Variants in TNFRSF10D observed in about 807,000 individuals in gnomAD.
TNFRSF10D encodes TNF receptor superfamily member 10d.
A neutral mutation model predicts 42.1 loss-of-function variants in TNFRSF10D; 28 were observed. The ratio of observed to expected loss-of-function variants is 0.66; its 90% CI spans 0.49 to 0.91. The LOEUF is 0.91. Among genes scored for constraint, TNFRSF10D ranks in the 40% least tolerant of loss-of-function variants. TNFRSF10D has a pLI of 0.00. For missense variants in TNFRSF10D, 503 were observed against 486.1 expected (o/e 1.03, Z -0.33); for synonymous variants, 186 against 189.4 (o/e 0.98, Z 0.15).
intron 7 of TNFRSF10D, among the ~76,000 whole-genome samples, chr8:23,143,554 C>G (rs1484176068): frequency 6.6e-6 from 1 of 151,142 alleles, no homozygotes; most frequent in African/African-American, 2.5e-5. Context: ...TTATACTTCC[C>G]TTCATTAAAA....
chr8:23,158,287 T>C (rs957118949), intron 1 of TNFRSF10D, among the ~76,000 whole-genome samples: 1 of 152,210 alleles, frequency 6.6e-6, no homozygotes, highest in Non-Finnish European at 1.5e-5. Context: ...TGTGGACCCA[T>C]ACGGATTCGC....
chr8:23,160,364 T>G (rs1268403406), intron 1 of TNFRSF10D, among the ~76,000 whole-genome samples: 1 of 152,184 alleles, frequency 6.6e-6, no homozygotes, highest in Non-Finnish European at 1.5e-5. Context: ...CGAAGAGCCC[T>G]GTGGACTCTG....
At chr8:23,156,742 T>C (rs1008113154) in intron 1 of TNFRSF10D, among the ~76,000 whole-genome samples, 1 of 152,058 alleles carries the variant, frequency 6.6e-6, no homozygotes, top group Non-Finnish European at 1.5e-5. Context: ...CTAATATTGG[T>C]GTATTTTATA....
At chr8:23,146,877 G>C (rs1334845786) in intron 4 of TNFRSF10D, 84 bp downstream of exon 4, 1 of 1,193,300 alleles carries the variant, frequency 8.4e-7, no homozygotes, top group Non-Finnish European at 1.2e-6. Flanking sequence ...GATCCATGGG[G>C]TCAGCGGAGA....
chr8:23,156,175 G>A (rs1488250967), intron 1 of TNFRSF10D, among the ~76,000 whole-genome samples: 1 of 152,102 alleles, frequency 6.6e-6, no homozygotes, highest in Non-Finnish European at 1.5e-5. Flanking sequence ...CTTTCATCAT[G>A]CCAACAGCTA....
intron 1 of TNFRSF10D, among the ~76,000 whole-genome samples, chr8:23,161,228 T>A (rs1483090233): frequency 6.6e-6 from 1 of 152,198 alleles, no homozygotes. Context: ...CACACCAGTG[T>A]CACAGAGCTG....
In TNFRSF10D at chr8:23,136,340, G is replaced by A; in HGVS notation, c.*1530C>T. 4.9e-6 allele frequency: 1 copy of A among 202,450 alleles called. No homozygotes were observed. The highest frequency in any genetic ancestry group is 1.0e-5 in the Non-Finnish European group (1 of 99,278). 12.5% of individuals were successfully genotyped at this position (202,450 alleles called of 1,614,324 possible). A position where few individuals can be genotyped will look rare whatever the true frequency, so the allele number is the denominator to read the frequency against. ...CTGAGATGAGTCAGATGCTTACAGA[G>A]GGGCCAAGCTCCTCAAACAGGGAAT... On this transcript the variant is annotated 3_prime_UTR_variant, in exon 9 of 9. Transcript: ENST00000312584.
In TNFRSF10D at chr8:23,163,994, T is replaced by A; in HGVS notation, c.-59A>T. The A allele has an allele frequency of 1.3e-6, 2 of 1,494,444 alleles. No individual in the cohort carries two copies. Among genetic ancestry groups the A allele is most frequent in the Non-Finnish European group, 1.8e-6 (2 of 1,125,742 alleles). The allele number at this position is 1,494,444 out of a possible 1,614,324, so 92.6% of individuals were successfully genotyped here. Reference sequence around the variant, plus strand: ...AATCAATCAGAAATCGTCCCCGTAGTTTGTGCGCGTGCAAAGGTTCTCGCA... The same window carrying A: ...AATCAATCAGAAATCGTCCCCGTAGATTGTGCGCGTGCAAAGGTTCTCGCA... On this transcript the variant is annotated 5_prime_UTR_variant, in exon 1 of 9. Coordinates refer to ENST00000312584, the MANE Select transcript of TNFRSF10D (RefSeq NM_003840.5).
intron 1 of TNFRSF10D, among the ~76,000 whole-genome samples, chr8:23,162,387 A>G (rs951447268): frequency 1.3e-5 from 2 of 152,232 alleles, no homozygotes; most frequent in Non-Finnish European, 2.9e-5. Context: ...AAACTATTGT[A>G]GAAGTCAGTT....
At position 23,138,008 on chromosome 8, in the gene TNFRSF10D, G is replaced by C; in HGVS notation, c.1028-5C>G. 1.2e-6 allele frequency: 2 copies of C among 1,613,896 alleles called. No individual in the cohort carries two copies. Among genetic ancestry groups the C allele is most frequent in the Non-Finnish European group, 1.7e-6 (2 of 1,179,906 alleles). On this transcript the variant is annotated splice_polypyrimidine_tract_variant and splice_region_variant and intron_variant, in intron 8 of 8. Coordinates refer to ENST00000312584, the MANE Select transcript of TNFRSF10D (RefSeq NM_003840.5). ...AGGCATCCAGCAAGGTGCTGACTGAGAAGAGAGAAGAGATTTAGGGTCTCA... is the reference window on the plus strand; with the variant it reads ...AGGCATCCAGCAAGGTGCTGACTGACAAGAGAGAAGAGATTTAGGGTCTCA...
At chr8:23,157,384 G>C (rs2128839452) in intron 1 of TNFRSF10D, among the ~76,000 whole-genome samples, 2 of 152,206 alleles carry the variant, frequency 1.3e-5, no homozygotes, top group Admixed American at 1.3e-4. Flanking sequence ...CCAAATTTTA[G>C]AATTCCCTAT....
chr8:23,143,518 T>C (rs1800063745), intron 7 of TNFRSF10D, among the ~76,000 whole-genome samples: 1 of 152,118 alleles, frequency 6.6e-6, no homozygotes, highest in Non-Finnish European at 1.5e-5. Flanking sequence ...TAATTGTTGA[T>C]ATTTTTTGTT....
chr8:23,145,412 A>G (rs113828832), intron 5 of TNFRSF10D, among the ~76,000 whole-genome samples: 1,815 of 152,292 alleles, frequency 0.012, 26 homozygotes, highest in African/African-American at 0.039. Flanking sequence ...GCCTGAAGAT[A>G]GGAGGAACTG....
At chr8:23,150,554 G>T (rs537662023) in intron 2 of TNFRSF10D, among the ~76,000 whole-genome samples, 2 of 152,196 alleles carry the variant, frequency 1.3e-5, no homozygotes, top group African/African-American at 4.8e-5. Flanking sequence ...TAACCAACCC[G>T]AAAGGAATAG....
chr8:23,143,665 A>T (rs972407716), intron 7 of TNFRSF10D, among the ~76,000 whole-genome samples: 8 of 152,200 alleles, frequency 5.3e-5, no homozygotes, highest in Admixed American at 2.0e-4. Flanking sequence ...AAAAGCAGAG[A>T]AAAATAGGAG....
At chr8:23,149,357 C>A (rs189320091) in intron 2 of TNFRSF10D, among the ~76,000 whole-genome samples, 1,529 of 151,634 alleles carry the variant, frequency 0.01, 25 homozygotes, top group African/African-American at 0.035. Flanking sequence ...CCTGCCTCAG[C>A]CTCCTGAGTA....
chr8:23,146,830 G>C, intron 4 of TNFRSF10D, 131 bp downstream of exon 4: 1 of 748,560 alleles, frequency 1.3e-6, no homozygotes, highest in Non-Finnish European at 2.2e-6. Context: ...GCAGGCTCAG[G>C]AAACCCCACA....
At chr8:23,140,159 T>G (rs921318252) in intron 7 of TNFRSF10D, among the ~76,000 whole-genome samples, 13 of 152,014 alleles carry the variant, frequency 8.6e-5, no homozygotes, top group East Asian at 1.9e-4. Flanking sequence ...CGTGGCAGTG[T>G]GCGCCTGTAA....
At chr8:23,155,431 C>A (rs1432631701) in intron 1 of TNFRSF10D, among the ~76,000 whole-genome samples, 1 of 151,890 alleles carries the variant, frequency 6.6e-6, no homozygotes, top group Non-Finnish European at 1.5e-5. Flanking sequence ...TTTATAAGAA[C>A]ACAAAAGGCC....
Sources: allele counts gnomAD v4.1 joint callset (sites outside exome capture counted in the v4.1 genomes callset), GRCh38; gene constraint gnomAD v4.1.1; transcripts MANE v1.5; gene names NCBI Gene and HGNC (gene_info 2026-07-23, HGNC 2026-07-21).